Variants in DIP2C observed in about 807,000 individuals in gnomAD.
DIP2C encodes DIP2 acetate--CoA ligase C (putative).
In DIP2C, 33 loss-of-function variants were observed where a neutral mutation model predicts 192.4. The ratio of observed to expected loss-of-function variants is 0.17; its 90% CI spans 0.13 to 0.23. DIP2C has a LOEUF of 0.23. Ranked by LOEUF, DIP2C falls within the 10% of genes least tolerant of loss-of-function variation. The pLI, the probability that DIP2C is intolerant of heterozygous loss-of-function variation, is 1.00. For missense variants in DIP2C, 1,537 were observed against 2,110.1 expected (o/e 0.73, Z 5.32); for synonymous variants, 979 against 864.1 (o/e 1.13, Z -2.33).
intron 3 of DIP2C, among the ~76,000 whole-genome samples, chr10:462,558 G>A (rs1402303357): frequency 6.6e-6 from 1 of 152,110 alleles, no homozygotes; most frequent in African/African-American, 2.4e-5. Flanking sequence ...AAAAAGTCCA[G>A]GACCAGACGA....
At chr10:436,334 T>C (rs554206913) in intron 4 of DIP2C, among the ~76,000 whole-genome samples, 16 of 152,362 alleles carry the variant, frequency 1.1e-4, no homozygotes, top group African/African-American at 3.6e-4. Flanking sequence ...GCTCTTGTTT[T>C]AGCAGGCAGC....
chr10:428,856 G>T (rs930123736), intron 4 of DIP2C, among the ~76,000 whole-genome samples: 4 of 151,906 alleles, frequency 2.6e-5, no homozygotes, highest in African/African-American at 9.7e-5. Flanking sequence ...CCCTCTTCAA[G>T]CTCACAGACT....
intron 32 of DIP2C, among the ~76,000 whole-genome samples, chr10:309,351 A>G (rs554524255): frequency 1.3e-5 from 2 of 151,944 alleles, no homozygotes; most frequent in Non-Finnish European, 2.9e-5. Flanking sequence ...CCTGACCCCT[A>G]ACCCCTATTT....
intron 1 of DIP2C, among the ~76,000 whole-genome samples, chr10:678,604 C>A: frequency 6.8e-6 from 1 of 148,140 alleles, no homozygotes; most frequent in South Asian, 2.1e-4. Context: ...TCCCCACACT[C>A]GTGATCCCCG....
intron 34 of DIP2C, among the ~76,000 whole-genome samples, chr10:284,218 G>T (rs1196548876): frequency 6.6e-6 from 1 of 152,168 alleles, no homozygotes; most frequent in Admixed American, 6.5e-5. Flanking sequence ...TCAAGTTCCA[G>T]GAAGTCAGAA....
intron 32 of DIP2C, among the ~76,000 whole-genome samples, chr10:301,863 G>A (rs1048273340): frequency 2.0e-5 from 3 of 152,224 alleles, no homozygotes; most frequent in Admixed American, 6.5e-5. Flanking sequence ...CAGACACCAG[G>A]AGGACGGCAA....
chr10:422,081 C>T (rs1433954362), intron 5 of DIP2C, among the ~76,000 whole-genome samples: 6 of 152,104 alleles, frequency 3.9e-5, no homozygotes, highest in Non-Finnish European at 7.3e-5. Context: ...GCTGAGATAC[C>T]GGGAGGGTCT....
Position 596,177 on chromosome 10 carries a change from A to G in DIP2C, c.85+93317T>C, listed in dbSNP as rs561584585. On this transcript the variant is annotated intron_variant, in intron 1 of 36. Transcript: ENST00000280886. ...AGATAACGTTTTAAAAAATAAAAGTAACCTAAGTATTGAACAAGCCCATTA... is the reference window on the plus strand; with the variant it reads ...AGATAACGTTTTAAAAAATAAAAGTGACCTAAGTATTGAACAAGCCCATTA... 5.3e-4 allele frequency among the ~76,000 whole-genome samples: 80 copies of G among 152,220 alleles called. 1 individual carries two copies. The highest frequency in any genetic ancestry group is 1.9e-3 in the African/African-American group (79 of 41,528).
chr10:380,887 G>A (rs1327672070), intron 17 of DIP2C, among the ~76,000 whole-genome samples: 1 of 152,130 alleles, frequency 6.6e-6, no homozygotes, highest in Non-Finnish European at 1.5e-5. Context: ...TGAGTTCACA[G>A]GCACTGGCTC....
chr10:401,555 A>G (rs1279932001), intron 9 of DIP2C, among the ~76,000 whole-genome samples: 3 of 91,044 alleles, frequency 3.3e-5, no homozygotes, highest in African/African-American at 1.4e-4. Flanking sequence ...CAAGTTTGGT[A>G]CATTTTCATC....
chr10:391,414 C>T (rs1963446494), intron 10 of DIP2C, among the ~76,000 whole-genome samples: 2 of 152,248 alleles, frequency 1.3e-5, no homozygotes, highest in South Asian at 4.1e-4. Flanking sequence ...AACGAACTAA[C>T]TGAAGCTTGC....
intron 14 of DIP2C, among the ~76,000 whole-genome samples, chr10:387,516 GGACA>G (rs1056438156): frequency 7.5e-5 from 11 of 147,186 alleles, no homozygotes; most frequent in African/African-American, 1.3e-4. Flanking sequence ...ACTCCTGTGT[GGACA>G]GACAGTGAGG....
intron 17 of DIP2C, among the ~76,000 whole-genome samples, chr10:372,860 C>A (rs901433682): frequency 6.6e-6 from 1 of 152,262 alleles, no homozygotes; most frequent in African/African-American, 2.4e-5. Context: ...GCCCCACCTC[C>A]CCACAGACGT....
chr10:408,741 G>A lies in DIP2C; in HGVS notation c.1149+185C>T, dbSNP rs187037676. ...GACCATTACCTGCTCAGGATGTAAT[G>A]TTAGAATGGAGACACCATTAATAGT... is the stretch of plus-strand genomic sequence containing the variant. On this transcript the variant is annotated intron_variant, in intron 9 of 36. Transcript: ENST00000280886. Among the ~76,000 whole-genome samples the A allele has an allele frequency of 5.9e-5, 9 of 152,336 alleles. No individual in the cohort carries two copies. In the East Asian group the frequency reaches 1.7e-3, roughly 29 times the overall value.
chr10:555,449 A>C (rs1848800516), intron 1 of DIP2C, among the ~76,000 whole-genome samples: 1 of 152,170 alleles, frequency 6.6e-6, no homozygotes, highest in Non-Finnish European at 1.5e-5. Flanking sequence ...TCAGTCGCCG[A>C]ATCTCCCTGG....
intron 1 of DIP2C, among the ~76,000 whole-genome samples, chr10:590,246 G>A (rs532076216): frequency 1.3e-5 from 2 of 152,236 alleles, no homozygotes; most frequent in Non-Finnish European, 2.9e-5. Flanking sequence ...GTTATCAGGG[G>A]ACAAGAAAAT....
intron 1 of DIP2C, among the ~76,000 whole-genome samples, chr10:648,911 C>A (rs1314424040): frequency 6.7e-6 from 1 of 149,664 alleles, no homozygotes; most frequent in Admixed American, 6.6e-5. Flanking sequence ...AAACTGAGTC[C>A]ACGTCCACAT....
At chr10:357,410 A>C (rs1959133690) in intron 23 of DIP2C, among the ~76,000 whole-genome samples, 1 of 152,226 alleles carries the variant, frequency 6.6e-6, no homozygotes, top group Non-Finnish European at 1.5e-5. Context: ...GCTGGTGGGG[A>C]AACTAGAAAG....
chr10:414,653 G>T (rs1339807206), intron 7 of DIP2C, among the ~76,000 whole-genome samples: 1 of 149,788 alleles, frequency 6.7e-6, no homozygotes, highest in African/African-American at 2.5e-5. Flanking sequence ...CTAGCCTGTA[G>T]CTAGGACTAC....
Sources: allele counts gnomAD v4.1 joint callset (sites outside exome capture counted in the v4.1 genomes callset), GRCh38; gene constraint gnomAD v4.1.1; transcripts MANE v1.5; gene names NCBI Gene and HGNC (gene_info 2026-07-23, HGNC 2026-07-21).